Variants in RET observed in about 807,000 individuals in gnomAD.
RET encodes the protein ret proto-oncogene.
RET carries 19 observed loss-of-function variants against 118.3 expected under a neutral mutation model. The observed-to-expected ratio is 0.16, with a 90% CI of 0.11 to 0.24. The LOEUF is 0.24. Ranked by LOEUF, RET falls within the 10% of genes least tolerant of loss-of-function variation. The pLI is 1.00. For missense variants in RET, 1,219 were observed against 1,502.1 expected (o/e 0.81, Z 3.12); for synonymous variants, 597 against 644.1 (o/e 0.93, Z 1.11).
chr10:43,115,498 C>T (rs1443962320), intron 11 of RET, among the ~76,000 whole-genome samples: 1 of 152,244 alleles, frequency 6.6e-6, no homozygotes, highest in Admixed American at 6.5e-5. Flanking sequence ...TGGCCACTGC[C>T]GCTTCCCCAC....
chr10:43,115,136 T>G (rs1838042375), intron 11 of RET, among the ~76,000 whole-genome samples: 1 of 152,138 alleles, frequency 6.6e-6, no homozygotes, highest in Non-Finnish European at 1.5e-5. Context: ...TGCCCTCTCC[T>G]GGTGGTGGCC....
At chr10:43,127,672 G>C (rs375619258) in intron 19 of RET, among the ~76,000 whole-genome samples, 2 of 151,986 alleles carry the variant, frequency 1.3e-5, no homozygotes, top group Non-Finnish European at 2.9e-5. Flanking sequence ...AGGCTGGCCC[G>C]TGTGCACCCT....
chr10:43,111,199 C>A lies in RET; in HGVS notation c.1264-8C>A, dbSNP rs769595884. 6.2e-7 allele frequency: 1 copy of A among 1,613,588 alleles called. No individual in the cohort carries two copies. Among genetic ancestry groups the A allele is most frequent in the South Asian group, 1.1e-5 (1 of 91,074 alleles). Reference sequence around the variant, plus strand: ...GCCTGGCTAAGGTGTTCCCCTGTGCCCCCCTAGATCGGGAAAGTCTGTGTG... The same window carrying A: ...GCCTGGCTAAGGTGTTCCCCTGTGCACCCCTAGATCGGGAAAGTCTGTGTG... On this transcript the variant is annotated splice_region_variant and splice_polypyrimidine_tract_variant and intron_variant, in intron 6 of 19. Coordinates refer to ENST00000355710, the MANE Select transcript of RET (RefSeq NM_020975.6).
At chr10:43,085,498 T>C (rs1244806719) in intron 1 of RET, among the ~76,000 whole-genome samples, 2 of 152,186 alleles carry the variant, frequency 1.3e-5, no homozygotes, top group African/African-American at 2.4e-5. Flanking sequence ...GGCCAGAGCC[T>C]GTCCTGATTT....
Position 43,105,073 on chromosome 10 carries a change from G to T in RET, c.747G>T (p.Ala249=). 1 of 1,610,642 alleles carries T rather than the reference G, an allele frequency of 6.2e-7. No homozygotes were observed. Residue 249 remains alanine, a synonymous_variant, in exon 4 of 20, where the codon GCG becomes GCT. Coordinates refer to ENST00000355710, the MANE Select transcript of RET (RefSeq NM_020975.6). The stretch of plus-strand genomic sequence containing the variant: ...CCGTGTGCACCGTGCACGCCGGCGC[G>T]CGCGAGGAGGTGGTGATGGTGCCCT... ...LVAVCTVHAG[A]REEVVMVPFP...
chr10:43,127,163 C>T (rs1236568209), intron 19 of RET: 2 of 1,107,384 alleles, frequency 1.8e-6, no homozygotes, highest in African/African-American at 1.6e-5. Flanking sequence ...GCCAGGTTCC[C>T]CCAGACCCCT....
chr10:43,081,002 G>A (rs969113361), intron 1 of RET, among the ~76,000 whole-genome samples: 8 of 152,194 alleles, frequency 5.3e-5, no homozygotes, highest in South Asian at 2.1e-4. Context: ...GTACAGCTGT[G>A]TTTCCTCATG....
intron 18 of RET, among the ~76,000 whole-genome samples, chr10:43,125,275 T>G (rs2133020978): frequency 6.6e-6 from 1 of 152,074 alleles, no homozygotes; most frequent in East Asian, 1.9e-4. Context: ...AAAGAAATAG[T>G]TTTCCATAAT....
chr10:43,082,164 C>G (rs887493432), intron 1 of RET, among the ~76,000 whole-genome samples: 1 of 152,200 alleles, frequency 6.6e-6, no homozygotes, highest in Non-Finnish European at 1.5e-5. Flanking sequence ...GCAGGCAGGG[C>G]AGGGCTGGGC....
In RET at chr10:43,126,579, A is replaced by G. The variant is rs1438192223; in HGVS notation, c.3044A>G (p.Tyr1015Cys). The change falls in exon 19 of 20, where the codon TAC (tyrosine) becomes TGC (cysteine). Residue 1015 changes from tyrosine (Y) to cysteine (C), a missense_variant. Tyr to Cys is a radical substitution (Grantham distance 194). Coordinates refer to ENST00000355710, the MANE Select transcript of RET (RefSeq NM_020975.6). Reference sequence around the variant, plus strand: ...CCGGCCATCTCTGTCTTCCAGGACTACTTGGACCTTGCGGCGTCCACTCCA... The same window carrying G: ...CCGGCCATCTCTGTCTTCCAGGACTGCTTGGACCTTGCGGCGTCCACTCCA... ...LEKMMVKRRD[Y>C]LDLAASTPSD... 1.2e-6 allele frequency: 2 copies of G among 1,613,748 alleles called. No individual in the cohort carries two copies. Among genetic ancestry groups the G allele is most frequent in the African/African-American group, 1.3e-5 (1 of 74,872 alleles).
chr10:43,081,154 A>G (rs1837171080), intron 1 of RET, among the ~76,000 whole-genome samples: 1 of 148,604 alleles, frequency 6.7e-6, no homozygotes, highest in Admixed American at 6.6e-5. Context: ...CTTCCTTTCC[A>G]CTTCAGGAGC....
chr10:43,119,586 C>A lies in RET; in HGVS notation c.2448C>A (p.Leu816=), dbSNP rs368500000. Residue 816 remains leucine (L), a synonymous_variant, in exon 14 of 20, where the codon CTC becomes CTA. Transcript: ENST00000355710. ...AATACGGCTCCCTGCGGGGCTTCCT[C>A]CGCGAGAGCCGCAAAGTGGGGCCTG... ...YAKYGSLRGF[L]RESRKVGPGY... 1.3e-5 allele frequency: 21 copies of A among 1,611,510 alleles called. No homozygotes were observed. The highest frequency in any genetic ancestry group is 1.6e-5 in the Non-Finnish European group (19 of 1,179,756).
At position 43,104,931 on chromosome 10, in the gene RET, C is replaced by T. The variant is rs371842214; in HGVS notation, c.626-21C>T. On this transcript the variant is annotated intron_variant, in intron 3 of 19. Coordinates refer to ENST00000355710, the MANE Select transcript of RET (RefSeq NM_020975.6). ...GTCCCGGCTGGTGATCACGCGGGGC[C>T]CCTGTCTGCTTGGTGCGCAGGTGAG... 259 of 1,551,390 alleles carry T rather than the reference C, an allele frequency of 1.7e-4. No homozygotes were observed. The highest frequency in any genetic ancestry group is 3.8e-4 in the Admixed American group (20 of 52,410).
chr10:43,112,622 G>C (rs1267474295), intron 8 of RET, among the ~76,000 whole-genome samples: 1 of 152,192 alleles, frequency 6.6e-6, no homozygotes, highest in African/African-American at 2.4e-5. Context: ...GCCCTGAGAG[G>C]GTCCCGGCCT....
chr10:43,091,737 G>C (rs1475410519), intron 1 of RET, among the ~76,000 whole-genome samples: 1 of 147,044 alleles, frequency 6.8e-6, no homozygotes, highest in Non-Finnish European at 1.5e-5. Flanking sequence ...CACATGAAAA[G>C]ATTCTCAGCA....
chr10:43,114,972 C>T lies in RET; in HGVS notation c.2136+236C>T, dbSNP rs1176685101. Among the ~76,000 whole-genome samples, 1 of 152,148 alleles carries T rather than the reference C, an allele frequency of 6.6e-6. No individual in the cohort carries two copies. Among genetic ancestry groups the T allele is most frequent in the Non-Finnish European group, 1.5e-5 (1 of 68,012 alleles). ...GAGGCAGTGGTCAGGGTCACAGCATCGGGCAGGGGAGCAGCAGTGTGGATG... is the reference window on the plus strand; with the variant it reads ...GAGGCAGTGGTCAGGGTCACAGCATTGGGCAGGGGAGCAGCAGTGTGGATG... On this transcript the variant is annotated intron_variant, in intron 11 of 19. Coordinates refer to ENST00000355710, the MANE Select transcript of RET (RefSeq NM_020975.6). The surrounding 1 kb of genome is among the most constrained non-coding windows in gnomAD (Gnocchi z 4.6).
intron 1 of RET, among the ~76,000 whole-genome samples, chr10:43,079,934 C>G (rs1477708162): frequency 6.6e-6 from 1 of 152,202 alleles, no homozygotes; most frequent in Non-Finnish European, 1.5e-5. Flanking sequence ...GCTTCCTCCT[C>G]CACTCCAGCT....
chr10:43,105,156 A>G lies in RET; in HGVS notation c.830A>G (p.Asp277Gly). The change falls in exon 4 of 20, where the codon GAC (aspartate) becomes GGC (glycine). Residue 277 changes from aspartate to glycine, a missense_variant. Physicochemically the swap from Asp to Gly is moderately conservative, Grantham distance 94 (BLOSUM62 -1). Transcript: ENST00000355710. The stretch of plus-strand genomic sequence containing the variant: ...GCGCCCACCTTCCCCGCGGGCGTCG[A>G]CACCGCCAGCGCCGTGGTGGAGTTC... ...DSAPTFPAGV[D>G]TASAVVEFKR... 2 of 1,612,684 alleles carry G rather than the reference A, an allele frequency of 1.2e-6. No individual in the cohort carries two copies. The highest frequency in any genetic ancestry group is 1.7e-6 in the Non-Finnish European group (2 of 1,179,840).
rs1363092233 is a variant in RET, at chr10:43,106,771, G to A, written c.1063+200G>A. Among the ~76,000 whole-genome samples the A allele has an allele frequency of 6.6e-6, 1 of 152,136 alleles. No homozygotes were observed. Among genetic ancestry groups the A allele is most frequent in the Non-Finnish European group, 1.5e-5 (1 of 68,016 alleles). ...CAGCCACCAGCAGGGCTTTCACCATGGGACCTCTCTCCCTGAGCTGATCCA... is the reference window on the plus strand; with the variant it reads ...CAGCCACCAGCAGGGCTTTCACCATAGGACCTCTCTCCCTGAGCTGATCCA... On this transcript the variant is annotated intron_variant, in intron 5 of 19. Transcript: ENST00000355710. The surrounding 1 kb of genome is among the most constrained non-coding windows in gnomAD (Gnocchi z 5.1).
Sources: allele counts gnomAD v4.1 joint callset (sites outside exome capture counted in the v4.1 genomes callset), GRCh38; gene constraint gnomAD v4.1.1; non-coding constraint Gnocchi (gnomAD v3.1); transcripts MANE v1.5; gene names NCBI Gene and HGNC (gene_info 2026-07-23, HGNC 2026-07-21).